Variants in LYZL4 observed in about 807,000 individuals in gnomAD.
LYZL4 encodes lysozyme-like protein 4.
Under a neutral mutation model 17.6 loss-of-function variants are expected in LYZL4, and 13 were observed. The ratio of observed to expected loss-of-function variants is 0.74; its 90% confidence interval spans 0.48 to 1.18. LYZL4 has a LOEUF of 1.18. LYZL4 is among the 50% of genes most tolerant of loss of function. The pLI is 0.00. For synonymous variants in LYZL4, 64 were observed against 67.7 expected, an observed-to-expected ratio of 0.95 and a Z score of 0.27; for missense variants, 174 against 188.2, an observed-to-expected ratio of 0.92 and a Z score of 0.44.
chr3:42,403,365 T>G (rs952109348), intron 4 of LYZL4, among the ~76,000 whole-genome samples: 3 of 152,096 alleles, frequency 2.0e-5, no homozygotes, highest in African/African-American at 7.2e-5. Context: ...GTTCAAGCGA[T>G]TCTCCTGTCT....
At position 42,403,997 on chromosome 3, in the gene LYZL4, T is replaced by C. The variant is rs368498211; in HGVS notation, c.371+49A>G. The C allele has an allele frequency of 3.1e-6, 4 of 1,300,182 alleles. No homozygotes were observed. The African/African-American group carries it at 5.9e-5, about 19-fold the overall frequency. 80.5% of individuals were successfully genotyped at this position (1,300,182 alleles called of 1,614,324 possible). ...ATTTAGCCAAGATTCAGATTAGAGA[T>C]CATGAGTGAAAGTCGTTAATACAGG... On this transcript the variant is annotated intron_variant, in intron 4 of 4. Coordinates refer to ENST00000287748, the MANE Select transcript of LYZL4 (RefSeq NM_144634.4).
At chr3:42,374,822 CT>C in the LYZL4 span, among the ~76,000 whole-genome samples, 1 of 152,072 alleles carries the variant, frequency 6.6e-6, no homozygotes, top group Non-Finnish European at 1.5e-5. Context: ...TAGTATTTGA[CT>C]TTTTTTAAAA....
the LYZL4 span, among the ~76,000 whole-genome samples, chr3:42,365,012 G>A: frequency 4.6e-5 from 7 of 152,292 alleles, no homozygotes; most frequent in African/African-American, 1.7e-4. Context: ...TATGAAGCAT[G>A]CAGCATACTC....
chr3:42,394,588 T>C (rs1698527229), downstream of LYZL4, among the ~76,000 whole-genome samples: 1 of 152,226 alleles, frequency 6.6e-6, no homozygotes. Flanking sequence ...GAAGTAATAA[T>C]AATAGGAGTT....
chr3:42,391,418 G>A, the LYZL4 span, among the ~76,000 whole-genome samples: 2 of 152,156 alleles, frequency 1.3e-5, no homozygotes, highest in Non-Finnish European at 2.9e-5. Flanking sequence ...GGAGCTCAAG[G>A]AGTAGTGACC....
chr3:42,396,488 G>T (rs558738741), downstream of LYZL4, among the ~76,000 whole-genome samples: 3 of 152,306 alleles, frequency 2.0e-5, no homozygotes, highest in South Asian at 6.2e-4. Context: ...TAGGGGAAAA[G>T]TGTCTTACCT....
chr3:42,391,714 T>A, the LYZL4 span, among the ~76,000 whole-genome samples: 1 of 152,056 alleles, frequency 6.6e-6, no homozygotes, highest in Non-Finnish European at 1.5e-5. Flanking sequence ...CGAGAGAGAT[T>A]GTTTTAAGTG....
At chr3:42,367,088 G>A in the LYZL4 span, among the ~76,000 whole-genome samples, 15 of 152,294 alleles carry the variant, frequency 9.8e-5, no homozygotes, top group African/African-American at 2.4e-4. Context: ...GCTCCTTCTA[G>A]CTAGCCATTC....
Position 42,406,994 on chromosome 3 carries a change from C to T in LYZL4, c.144G>A (p.Val48=). The T allele has an allele frequency of 1.2e-6, 2 of 1,614,172 alleles. No homozygotes were observed. Among genetic ancestry groups the T allele is most frequent in the Non-Finnish European group, 1.7e-6 (2 of 1,180,026 alleles). Residue 48 remains valine, a synonymous_variant, in exon 3 of 5, where the codon GTG becomes GTA. Transcript: ENST00000287748. ...ACTTGCTCTCGAAGTAGGCCAGGCA[C>T]ACCCCTAAGATGGAACAGAAGGTGT... The part of the protein sequence containing the change: ...YFEGYSLENW[V]CLAYFESKFN...
the LYZL4 span, among the ~76,000 whole-genome samples, chr3:42,372,217 T>G: frequency 6.6e-6 from 1 of 152,158 alleles, no homozygotes; most frequent in Non-Finnish European, 1.5e-5. Flanking sequence ...AGGAAAGACT[T>G]TTGGAACCAG....
the LYZL4 span, among the ~76,000 whole-genome samples, chr3:42,382,870 T>G: frequency 3.3e-5 from 5 of 152,200 alleles, no homozygotes; most frequent in East Asian, 9.7e-4. Flanking sequence ...CCTAGAAAGC[T>G]GACTCTTTGG....
At chr3:42,388,278 G>A in the LYZL4 span, among the ~76,000 whole-genome samples, 2 of 152,236 alleles carry the variant, frequency 1.3e-5, no homozygotes, top group African/African-American at 4.8e-5. Flanking sequence ...CCAAGGGTCA[G>A]ATGTTGTATC....
the LYZL4 span, among the ~76,000 whole-genome samples, chr3:42,380,410 T>C: frequency 1.3e-5 from 2 of 152,200 alleles, no homozygotes; most frequent in African/African-American, 2.4e-5. Context: ...AAATAAAACG[T>C]TGGAGCTAAG....
the LYZL4 span, among the ~76,000 whole-genome samples, chr3:42,381,422 A>T: frequency 6.6e-6 from 1 of 152,270 alleles, no homozygotes; most frequent in Non-Finnish European, 1.5e-5. Context: ...TCACTTAAAA[A>T]TAATGAAGAA....
the LYZL4 span, among the ~76,000 whole-genome samples, chr3:42,369,310 G>A: frequency 1.3e-5 from 2 of 152,194 alleles, no homozygotes; most frequent in African/African-American, 4.8e-5. Context: ...ACAATGTCTG[G>A]TTGTTATGTA....
the LYZL4 span, among the ~76,000 whole-genome samples, chr3:42,373,184 C>T: frequency 6.6e-6 from 1 of 152,130 alleles, no homozygotes; most frequent in Non-Finnish European, 1.5e-5. Flanking sequence ...GCACTCCAGC[C>T]TGAGGGACAA....
the LYZL4 span, among the ~76,000 whole-genome samples, chr3:42,365,933 A>T: frequency 1.3e-5 from 2 of 152,224 alleles, no homozygotes; most frequent in Non-Finnish European, 2.9e-5. Flanking sequence ...ACAGCTACTT[A>T]GAAGTTCCAC....
chr3:42,364,341 CTTTTTTT>C, the LYZL4 span, among the ~76,000 whole-genome samples: 11 of 119,862 alleles, frequency 9.2e-5, no homozygotes, highest in Non-Finnish European at 1.7e-4. Context: ...TTTTTCTTTT[CTTTTTTT>C]TTTTTTTTTT....
chr3:42,360,960 G>T, the LYZL4 span, among the ~76,000 whole-genome samples: 4 of 151,688 alleles, frequency 2.6e-5, no homozygotes, highest in African/African-American at 9.7e-5. Context: ...CTTTCTTTTT[G>T]ATTTAATTTA....
Sources: gnomAD v4.1 joint callset for allele counts (sites outside exome capture counted in the v4.1 genomes callset) on GRCh38, gnomAD v4.1.1 for gene constraint, MANE v1.5 for transcripts, NCBI Gene and HGNC (gene_info 2026-07-23, HGNC 2026-07-21) for gene names.